The following HECTD4 variants were observed in gnomAD, a reference collection of about 807,000 sequenced individuals.
The protein encoded by HECTD4 is HECT domain E3 ubiquitin protein ligase 4.
In HECTD4, 114 loss-of-function variants were observed where a neutral mutation model predicts 471.5. The observed-to-expected ratio is 0.24, with a 90% CI of 0.21 to 0.28. The LOEUF (loss-of-function observed/expected upper bound fraction) is 0.28. Among genes scored for constraint, HECTD4 ranks in the 10% least tolerant of loss-of-function variants. The pLI is 1.00. For synonymous variants in HECTD4, 2,012 were observed against 2,256.0 expected (o/e 0.89, Z 3.07); for missense variants, 3,866 against 5,651.5 (o/e 0.68, Z 10.13).
In HECTD4 at chr12:112,173,563, T is replaced by C. The variant is rs1199861875; in HGVS notation, c.11595-702A>G. ...TGCCACCACACCTGGCTAATTTTTT[T>C]TTTTGTATTTTTAGTAGAGACGAGG... On this transcript the variant is annotated intron_variant, in intron 66 of 75. Coordinates refer to ENST00000682272, the MANE Select transcript of HECTD4 (RefSeq NM_001388303.1). This position sits in a 1 kb window ranked among gnomAD's most constrained non-coding sequence, Gnocchi z 4.3. Among the ~76,000 whole-genome samples the C allele has an allele frequency of 1.3e-5, 2 of 151,736 alleles. No individual in the cohort carries two copies. The highest frequency in any genetic ancestry group is 2.9e-5 in the Non-Finnish European group (2 of 67,914).
At chr12:112,253,213 C>T (rs1375033729) in intron 22 of HECTD4, among the ~76,000 whole-genome samples, 1 of 152,142 alleles carries the variant, frequency 6.6e-6, no homozygotes, top group African/African-American at 2.4e-5. Context: ...CAACCTCCAC[C>T]TCCTGGGTTT....
intron 44 of HECTD4, among the ~76,000 whole-genome samples, chr12:112,224,322 G>A (rs2033172659): frequency 6.6e-6 from 1 of 151,050 alleles, no homozygotes; most frequent in African/African-American, 2.4e-5. Context: ...CTGGAGTGCA[G>A]TGGCATGATC....
intron 1 of HECTD4, among the ~76,000 whole-genome samples, chr12:112,337,334 A>G (rs1789324017): frequency 6.6e-6 from 1 of 152,182 alleles, no homozygotes; most frequent in African/African-American, 2.4e-5. Flanking sequence ...CAAGGGGGTA[A>G]TACATTTTCT....
Position 112,264,086 on chromosome 12 carries a change from G to C in HECTD4, c.2746C>G (p.Gln916Glu). The part of the protein sequence containing the change: ...SSLQGETLKV[Q>E]ELKVSILALA... ...TTAAAATAAAGCTTGGTGTTTACCT[G>C]TACCTTCAATGTCTCTCCCTGCAAG... The change falls in exon 17 of 76, where the codon CAG becomes GAG. Residue 916 changes from glutamine to glutamate, a missense_variant and splice_region_variant. Gln to Glu is a conservative substitution (Grantham distance 29). Transcript: ENST00000682272. 6.2e-7 allele frequency: 1 copy of C among 1,609,272 alleles called. No homozygotes were observed. The highest frequency in any genetic ancestry group is 1.1e-5 in the South Asian group (1 of 89,642).
At chr12:112,290,155 T>C (rs2034845036) in intron 7 of HECTD4, among the ~76,000 whole-genome samples, 1 of 151,908 alleles carries the variant, frequency 6.6e-6, no homozygotes, top group Non-Finnish European at 1.5e-5. Flanking sequence ...ACCCCATCTA[T>C]ACAAAACATA....
chr12:112,244,054 A>G, intron 29 of HECTD4, 45 bp from the exon 30 acceptor site: 1 of 1,601,250 alleles, frequency 6.2e-7, no homozygotes, highest in Non-Finnish European at 8.5e-7. Flanking sequence ...TGCTATCTGT[A>G]CAACAGCCAA....
rs1384319882 is a variant in HECTD4, at chr12:112,163,892, C to T, written c.12702-155G>A. Among the ~76,000 whole-genome samples the T allele has an allele frequency of 2.0e-5, 3 of 152,190 alleles. No homozygotes were observed. Among genetic ancestry groups the T allele is most frequent in the African/African-American group, 4.8e-5 (2 of 41,446 alleles). Reference sequence around the variant, plus strand: ...CCCAGTCCTTTCCTGCCTCTGGTGCCGCCGCCTCAGAGCTGCTGTTTTCTT... The same window carrying T: ...CCCAGTCCTTTCCTGCCTCTGGTGCTGCCGCCTCAGAGCTGCTGTTTTCTT... On this transcript the variant is annotated intron_variant, in intron 73 of 75. Coordinates refer to ENST00000682272, the MANE Select transcript of HECTD4 (RefSeq NM_001388303.1). This position sits in a 1 kb window ranked among gnomAD's most constrained non-coding sequence, Gnocchi z 8.2.
At position 112,183,230 on chromosome 12, in the gene HECTD4, T is replaced by G; in HGVS notation, c.10816A>C (p.Ser3606Arg). 1 of 1,613,908 alleles carries G rather than the reference T, an allele frequency of 6.2e-7. No homozygotes were observed. Among genetic ancestry groups the G allele is most frequent in the South Asian group, 1.1e-5 (1 of 91,074 alleles). The change falls in exon 62 of 76, where the codon AGT becomes CGT. Residue 3606 changes from serine (S) to arginine (R), a missense_variant. Transcript: ENST00000682272. ...SRAKIEKIRA[S>R]LFNNNDLIGL... ...ATCAAGTCATTATTGTTAAATAAACTTGCTCGAATTTTCTCAATTTTGGCT... is the reference window on the plus strand; with the variant it reads ...ATCAAGTCATTATTGTTAAATAAACGTGCTCGAATTTTCTCAATTTTGGCT...
rs2031459421 is a variant in HECTD4 at position 112,176,588 on chromosome 12, T to C, written c.11470+8A>G. 1 of 1,596,808 alleles carries C rather than the reference T, an allele frequency of 6.3e-7. No homozygotes were observed. The highest frequency in any genetic ancestry group is 8.6e-7 in the Non-Finnish European group (1 of 1,164,106). On this transcript the variant is annotated splice_region_variant and intron_variant, in intron 65 of 75. Transcript: ENST00000682272. ...CCAGCCCACTCCAGGCCCCGTCTGC[T>C]CATTCACCTTCTTGTTTTTTGGTAG... is the stretch of plus-strand genomic sequence containing the variant.
chr12:112,290,149 C>T (rs1013315266), intron 7 of HECTD4, among the ~76,000 whole-genome samples: 1 of 151,898 alleles, frequency 6.6e-6, no homozygotes, highest in African/African-American at 2.4e-5. Flanking sequence ...GGTGAAACCC[C>T]ATCTATACAA....
intron 1 of HECTD4, among the ~76,000 whole-genome samples, chr12:112,366,574 C>G (rs1157408351): frequency 6.6e-6 from 1 of 151,292 alleles, no homozygotes; most frequent in Admixed American, 6.6e-5. Context: ...GCGCAACATT[C>G]TTAATTATTT....
At chr12:112,327,235 T>C (rs1241819094) in intron 1 of HECTD4, among the ~76,000 whole-genome samples, 1 of 152,102 alleles carries the variant, frequency 6.6e-6, no homozygotes, top group Non-Finnish European at 1.5e-5. Context: ...GAGAACTGCT[T>C]GAACCCGGGA....
chr12:112,254,205 A>G, intron 21 of HECTD4, 43 bp from the exon 22 acceptor site: 1 of 1,599,408 alleles, frequency 6.3e-7, no homozygotes, highest in Non-Finnish European at 8.5e-7. Flanking sequence ...AAAGAAAAAC[A>G]AAAACAACAT....
At chr12:112,222,271 G>T (rs1318790709) in intron 44 of HECTD4, among the ~76,000 whole-genome samples, 1 of 152,078 alleles carries the variant, frequency 6.6e-6, no homozygotes, top group Admixed American at 6.6e-5. Context: ...TGGACAGGCT[G>T]GTCTGGAACC....
intron 64 of HECTD4, among the ~76,000 whole-genome samples, chr12:112,178,463 C>T (rs768238662): frequency 6.6e-6 from 1 of 152,228 alleles, no homozygotes; most frequent in Non-Finnish European, 1.5e-5. Flanking sequence ...AATCTGACCA[C>T]ACTTGTGGAT....
Position 112,382,340 on chromosome 12 carries a change from G to GCCT in HECTD4, c.-213_-212insAGG. The GCCT allele has an allele frequency of 2.5e-6, 1 of 398,096 alleles. No individual in the cohort carries two copies. Among genetic ancestry groups the GCCT allele is most frequent in the Non-Finnish European group, 4.3e-6 (1 of 233,090 alleles). 24.7% of individuals were successfully genotyped at this position (398,096 alleles called of 1,614,324 possible). A position where few individuals can be genotyped will look rare whatever the true frequency, so the allele number is the denominator to read the frequency against. On this transcript the variant is annotated 5_prime_UTR_variant, in exon 1 of 76. Coordinates refer to ENST00000682272, the MANE Select transcript of HECTD4 (RefSeq NM_001388303.1). ...AGACCCCGGCCCTGCCGCCGCCGCCGCCGCCGCCGCCGCCGCCGCCCTCAG... is the reference window on the plus strand; with the variant it reads ...AGACCCCGGCCCTGCCGCCGCCGCCGCCTCCGCCGCCGCCGCCGCCGCCCTCAG...
At chr12:112,286,562 C>T (rs1358376746) in intron 7 of HECTD4, among the ~76,000 whole-genome samples, 1 of 152,024 alleles carries the variant, frequency 6.6e-6, no homozygotes, top group Non-Finnish European at 1.5e-5. Flanking sequence ...GGCAGTGGCA[C>T]ACGCCTGTAG....
chr12:112,228,926 GT>G lies in HECTD4; in HGVS notation c.6520-116del, dbSNP rs2033307584. ...TGTCATTGTTGGCGTTACAGTAATA[GT>G]TTATACTACTAGGGTAGCAGATACC... is the stretch of plus-strand genomic sequence containing the variant. On this transcript the variant is annotated intron_variant, in intron 41 of 75. Transcript: ENST00000682272. This position sits in a 1 kb window ranked among gnomAD's most constrained non-coding sequence, Gnocchi z 4.9. The G allele has an allele frequency of 2.1e-5, 21 of 995,936 alleles. No individual in the cohort carries two copies. Among genetic ancestry groups the G allele is most frequent in the South Asian group, 1.3e-4 (9 of 70,992 alleles). 61.7% of individuals were successfully genotyped at this position (995,936 alleles called of 1,614,324 possible).
chr12:112,184,099 C>G lies in HECTD4; in HGVS notation c.10779+88G>C. On this transcript the variant is annotated intron_variant, in intron 61 of 75. Coordinates refer to ENST00000682272, the MANE Select transcript of HECTD4 (RefSeq NM_001388303.1). This position sits in a 1 kb window ranked among gnomAD's most constrained non-coding sequence, Gnocchi z 9.1. ...CCCCCAACCGCTCCACCATTACCTA[C>G]TAGGAAATAACTTTGGAAGATTTAA... is the stretch of plus-strand genomic sequence containing the variant. The G allele has an allele frequency of 3.8e-6, 5 of 1,304,756 alleles. No homozygotes were observed. The highest frequency in any genetic ancestry group is 5.3e-6 in the Non-Finnish European group (5 of 938,374). The allele number at this position is 1,304,756 out of a possible 1,614,324, so 80.8% of individuals were successfully genotyped here.
Sources: allele counts gnomAD v4.1 joint callset (sites outside exome capture counted in the v4.1 genomes callset), GRCh38; gene constraint gnomAD v4.1.1; non-coding constraint Gnocchi (gnomAD v3.1); transcripts MANE v1.5; gene names NCBI Gene and HGNC (gene_info 2026-07-23, HGNC 2026-07-21).